The following L3MBTL1 variants were observed in gnomAD, a reference collection of about 807,000 sequenced individuals.
The protein encoded by L3MBTL1 is L3MBTL histone methyl-lysine binding protein 1.
Under a neutral mutation model 105.3 loss-of-function variants are expected in L3MBTL1, and 75 were observed. The observed-to-expected ratio is 0.71, with a 90% CI of 0.59 to 0.86. The LOEUF is 0.86. Ranked by LOEUF, L3MBTL1 falls within the 40% of genes least tolerant of loss-of-function variation. The probability of loss-of-function intolerance (pLI) is 0.00; values close to 1 mark genes in which losing one functional copy is unlikely to be tolerated. For missense variants in L3MBTL1, 1,069 were observed against 1,126.4 expected (o/e 0.95, Z 0.73); for synonymous variants, 452 against 436.2 (o/e 1.04, Z -0.45).
chr20:43,528,581 C>T, intron 7 of L3MBTL1, 76 bp from the exon 8 acceptor site: 2 of 1,057,994 alleles, frequency 1.9e-6, no homozygotes, highest in South Asian at 1.3e-5. Context: ...GAAGGTAGAG[C>T]TTGGTCAGGG....
chr20:43,544,113 TCTA>T (rs1978416179), downstream of L3MBTL1, among the ~76,000 whole-genome samples: 1 of 152,208 alleles, frequency 6.6e-6, no homozygotes, highest in Admixed American at 6.5e-5. Flanking sequence ...GCCAGTGGGC[TCTA>T]CTAACTGTGC....
chr20:43,530,765 CG>C (rs2019294625), intron 10 of L3MBTL1, 32 bp from the exon 11 acceptor site: 4 of 1,599,400 alleles, frequency 2.5e-6, no homozygotes, highest in African/African-American at 1.3e-5. Context: ...AGCCTCTGCA[CG>C]GCGCTCTGTT....
In L3MBTL1 at chr20:43,513,967, AG is replaced by A. The variant is rs1263994823; in HGVS notation, c.267del (p.Gln89HisfsTer35). ...CEPVSATVLP[Q>X]LSAGPASSST... Reference sequence around the variant, plus strand: ...CCAGTTTCTGCCACCGTCCTGCCGCAGCTTAGCGCCGGGCCGGCCAGCTCCA... The same window carrying A: ...CCAGTTTCTGCCACCGTCCTGCCGCACTTAGCGCCGGGCCGGCCAGCTCCA... On this transcript the variant is annotated frameshift_variant, in exon 3 of 22. Transcript: ENST00000418998. LOFTEE classifies it high-confidence loss of function. 3.2e-6 allele frequency: 5 copies of A among 1,548,300 alleles called. No individual in the cohort carries two copies. The South Asian group carries it at 5.9e-5, about 18-fold the overall frequency.
downstream of L3MBTL1, among the ~76,000 whole-genome samples, chr20:43,542,283 G>C (rs917384815): frequency 4.6e-5 from 7 of 152,172 alleles, no homozygotes; most frequent in African/African-American, 1.7e-4. Context: ...AGCACAGCCA[G>C]TTTCCTCCTT....
intron 18 of L3MBTL1, among the ~76,000 whole-genome samples, chr20:43,547,767 G>C (rs6103379): frequency 0.8 from 121,396 of 152,184 alleles, 48,566 homozygotes; most frequent in East Asian, 0.92. Context: ...CTCAAAGCCA[G>C]TGTCTGTGAG....
intron 7 of L3MBTL1, among the ~76,000 whole-genome samples, chr20:43,518,432 A>G (rs2018518658): frequency 6.6e-6 from 1 of 152,176 alleles, no homozygotes; most frequent in African/African-American, 2.4e-5. Flanking sequence ...AGTTAAAAAC[A>G]TGTGACTCAT....
chr20:43,544,252 T>C (rs1978427831), downstream of L3MBTL1, among the ~76,000 whole-genome samples: 1 of 152,208 alleles, frequency 6.6e-6, no homozygotes, highest in South Asian at 2.1e-4. Context: ...GCCAATTAAA[T>C]CTTAGCTTGA....
chr20:43,519,714 C>G (rs774432436), intron 7 of L3MBTL1, among the ~76,000 whole-genome samples: 2 of 152,188 alleles, frequency 1.3e-5, no homozygotes, highest in Non-Finnish European at 2.9e-5. Context: ...AGTCATAGCA[C>G]GTTGTAGCCT....
intron 18 of L3MBTL1, among the ~76,000 whole-genome samples, chr20:43,546,933 T>A (rs1600973050): frequency 1.3e-5 from 2 of 152,118 alleles, no homozygotes; most frequent in East Asian, 3.9e-4. Context: ...CTCCTTTATA[T>A]CATCCAATAC....
At chr20:43,513,703 T>C (rs1214501939) in intron 2 of L3MBTL1, 64 bp downstream of exon 2, 1 of 1,548,030 alleles carries the variant, frequency 6.5e-7, no homozygotes, top group African/African-American at 1.4e-5. Flanking sequence ...CAAGCAAGTG[T>C]GGATCCTGGA....
At chr20:43,532,563 C>T (rs1195454516) in intron 11 of L3MBTL1, 3 of 532,402 alleles carry the variant, frequency 5.6e-6, no homozygotes, top group East Asian at 3.0e-5. Context: ...CCTCTGAGTG[C>T]ACCTTGGAGG....
Position 43,514,781 on chromosome 20 carries a change from G to A in L3MBTL1, c.502+5G>A, listed in dbSNP as rs781552025. On this transcript the variant is annotated splice_donor_5th_base_variant and intron_variant, in intron 4 of 21. Coordinates refer to ENST00000418998, the MANE Select transcript of L3MBTL1 (RefSeq NM_001377303.1). ...AGGCGGGCCCCCAACAGGCGGGTAG[G>A]AGCCCCGCTCCCCAGGCCCTGAGCT... The A allele has an allele frequency of 6.5e-7, 1 of 1,544,368 alleles. No individual in the cohort carries two copies.
At position 43,507,715 on chromosome 20, in the gene L3MBTL1, G is replaced by T. The variant is rs1387327903; in HGVS notation, c.-58G>T. On this transcript the variant is annotated 5_prime_UTR_variant, in exon 1 of 22. Transcript: ENST00000418998. ...GGCGCCCGGCTCGGACCGTAGCTAGGCGCTGGGCGGCCACCGGCTGGCCAG... is the reference window on the plus strand; with the variant it reads ...GGCGCCCGGCTCGGACCGTAGCTAGTCGCTGGGCGGCCACCGGCTGGCCAG... The T allele has an allele frequency of 6.6e-6, 1 of 152,060 alleles. No individual in the cohort carries two copies. Among genetic ancestry groups the T allele is most frequent in the Non-Finnish European group, 1.5e-5 (1 of 67,986 alleles). 9.4% of individuals were successfully genotyped at this position (152,060 alleles called of 1,614,324 possible). A position where few individuals can be genotyped will look rare whatever the true frequency, so the allele number is the denominator to read the frequency against.
At chr20:43,510,122 T>G (rs957442143) in intron 1 of L3MBTL1, among the ~76,000 whole-genome samples, 2 of 152,176 alleles carry the variant, frequency 1.3e-5, no homozygotes, top group Non-Finnish European at 2.9e-5. Flanking sequence ...CCCAAAGTGT[T>G]GGGATTACAG....
exon 19 of L3MBTL1, chr20:43,548,112 T>A: frequency 7.7e-7 from 1 of 1,302,836 alleles, no homozygotes; most frequent in Non-Finnish European, 1.0e-6. Context: ...ACCCCTCAGA[T>A]GATTGACGGC....
chr20:43,521,049 T>C (rs555147534), intron 7 of L3MBTL1, among the ~76,000 whole-genome samples: 68 of 152,368 alleles, frequency 4.5e-4, no homozygotes, highest in Non-Finnish European at 8.8e-4. Context: ...CCTCTTCAGT[T>C]TGGTGTTCCC....
At chr20:43,525,382 C>T (rs1341367577) in intron 7 of L3MBTL1, among the ~76,000 whole-genome samples, 1 of 148,240 alleles carries the variant, frequency 6.7e-6, no homozygotes, top group African/African-American at 2.5e-5. Context: ...CAATATGGTA[C>T]CTTTGTACAA....
rs1176856356 is a variant in L3MBTL1 at position 43,522,457 on chromosome 20, G to GTTTTTTTTTTTTTTTTTTTT, written c.863-6188_863-6169dup. 1.5e-4 allele frequency among the ~76,000 whole-genome samples: 14 copies of GTTTTTTTTTTTTTTTTTTTT among 95,892 alleles called. 2 individuals carry two copies. Among genetic ancestry groups the GTTTTTTTTTTTTTTTTTTTT allele is most frequent in the Middle Eastern group, 6.0e-3 (1 of 166 alleles). The allele number at this position is 95,892 out of a possible 152,430, so 62.9% of individuals were successfully genotyped here. On this transcript the variant is annotated intron_variant, in intron 7 of 21. Transcript: ENST00000418998. ...TGGTAACTGAATTTTTCCCTGCTAA[G>GTTTTTTTTTTTTTTTTTTTT]TTTTTTTTTTTTTTTTTTTTTTTTT...
intron 4 of L3MBTL1, 98 bp downstream of exon 4, chr20:43,514,874 G>C: frequency 6.9e-7 from 1 of 1,459,000 alleles, no homozygotes; most frequent in Non-Finnish European, 9.2e-7. Flanking sequence ...GGGTGGTCCT[G>C]GGGTGGAGAA....
Sources: gnomAD v4.1 joint callset for allele counts (sites outside exome capture counted in the v4.1 genomes callset) on GRCh38, gnomAD v4.1.1 for gene constraint, MANE v1.5 for transcripts, NCBI Gene and HGNC (gene_info 2026-07-23, HGNC 2026-07-21) for gene names.